Variants in NCAPG2 observed in about 807,000 individuals in gnomAD.
NCAPG2 encodes the protein non-SMC condensin II complex subunit G2.
NCAPG2 carries 53 observed loss-of-function variants against 141.1 expected under a neutral mutation model. That is an observed-to-expected ratio of 0.38 (90% confidence interval 0.30 to 0.47). The LOEUF (loss-of-function observed/expected upper bound fraction) is 0.47, where lower values mean the gene tolerates loss of function less well. Among genes scored for constraint, NCAPG2 ranks in the 20% least tolerant of loss-of-function variants. The pLI, the probability that NCAPG2 is intolerant of heterozygous loss-of-function variation, is 0.99. For missense variants in NCAPG2, 1,087 were observed against 1,389.0 expected, an observed-to-expected ratio of 0.78 and a Z score of 3.46; for synonymous variants, 499 against 490.7, an observed-to-expected ratio of 1.02 and a Z score of -0.22.
chr7:158,672,278 A>G (rs975056708), intron 12 of NCAPG2, among the ~76,000 whole-genome samples: 1 of 22,864 alleles, frequency 4.4e-5, no homozygotes, highest in Non-Finnish European at 7.2e-5. Flanking sequence ...TTCCAAACAC[A>G]TGTGTGTGTG....
intron 8 of NCAPG2, 37 bp from the exon 9 acceptor site, chr7:158,683,423 T>C (rs753424211): frequency 2.7e-6 from 4 of 1,504,154 alleles, no homozygotes; most frequent in East Asian, 2.4e-5. Flanking sequence ...ACTTGGTGTG[T>C]GTGTGTCCTA....
At chr7:158,666,994 T>A (rs1833011807) in intron 13 of NCAPG2, 2 of 350,914 alleles carry the variant, frequency 5.7e-6, no homozygotes, top group Non-Finnish European at 8.0e-6. Flanking sequence ...TGGCTTCATG[T>A]GCCAGGTTGT....
intron 3 of NCAPG2, 26 bp from the exon 4 acceptor site, chr7:158,692,982 G>A: frequency 1.4e-6 from 2 of 1,392,640 alleles, no homozygotes; most frequent in Non-Finnish European, 1.0e-6. Context: ...CAAAGCATGA[G>A]TGAATTAAAA....
chr7:158,633,200 T>A lies in NCAPG2; in HGVS notation c.3381-1483A>T, dbSNP rs529139136. Among the ~76,000 whole-genome samples the A allele has an allele frequency of 6.6e-6, 1 of 152,320 alleles. No homozygotes were observed. Among genetic ancestry groups the A allele is most frequent in the East Asian group, 1.9e-4 (1 of 5,180 alleles). On this transcript the variant is annotated intron_variant, in intron 27 of 27. Coordinates refer to ENST00000356309, the MANE Select transcript of NCAPG2 (RefSeq NM_017760.7). This position sits in a 1 kb window ranked among gnomAD's most constrained non-coding sequence, Gnocchi z 4.1. The stretch of plus-strand genomic sequence containing the variant: ...TTGCTGTTAGGTCTCTCGGGCCTTT[T>A]CCCCCAAGTCTATCCCCACCCTCGT...
Position 158,687,462 on chromosome 7 carries a change from GA to G in NCAPG2, c.673-21del. 6.5e-7 allele frequency: 1 copy of G among 1,539,988 alleles called. No homozygotes were observed. The highest frequency in any genetic ancestry group is 8.9e-7 in the Non-Finnish European group (1 of 1,127,438). On this transcript the variant is annotated intron_variant, in intron 6 of 27. Coordinates refer to ENST00000356309, the MANE Select transcript of NCAPG2 (RefSeq NM_017760.7). ...TCTTCCCTAGAAATAAAAAAGGATA[GA>G]ATGTTTACATTGCAACCAAATAAAA... is the stretch of plus-strand genomic sequence containing the variant.
intron 12 of NCAPG2, among the ~76,000 whole-genome samples, chr7:158,675,113 G>A (rs1397731295): frequency 6.6e-6 from 1 of 152,210 alleles, no homozygotes; most frequent in Non-Finnish European, 1.5e-5. Context: ...TACAATTGGT[G>A]TTGGTGATAG....
chr7:158,684,632 G>A (rs185589867), intron 8 of NCAPG2, among the ~76,000 whole-genome samples: 1 of 152,372 alleles, frequency 6.6e-6, no homozygotes, highest in Admixed American at 6.5e-5. Context: ...AACTTAAAGA[G>A]AGGGAGGGCA....
At chr7:158,647,633 CTG>C (rs1452159179) in intron 24 of NCAPG2, among the ~76,000 whole-genome samples, 1 of 152,096 alleles carries the variant, frequency 6.6e-6, no homozygotes, top group Non-Finnish European at 1.5e-5. Flanking sequence ...CTCTCCACCA[CTG>C]TGTTAGGCCC....
chr7:158,657,775 G>A (rs1428546537), intron 17 of NCAPG2, among the ~76,000 whole-genome samples: 1 of 152,170 alleles, frequency 6.6e-6, no homozygotes, highest in Admixed American at 6.5e-5. Context: ...GAAAGAAGTA[G>A]ACATGGGAGA....
rs765968854 is a variant in NCAPG2, at chr7:158,693,477, G to A, written c.99C>T (p.Phe33=). 4.6e-5 allele frequency: 74 copies of A among 1,613,296 alleles called. No individual in the cohort carries two copies. Among genetic ancestry groups the A allele is most frequent in the Non-Finnish European group, 2.9e-5 (34 of 1,179,592 alleles). The part of the protein sequence containing the change: ...VQLDKEASDP[F]SLNELLDELS... ...ATTCATCTAGTAATTCATTTAGGCT[G>A]AAAGGATCAGAGGCCTCTTTCTGTA... Residue 33 remains phenylalanine (F), a synonymous_variant, in exon 3 of 28, where the codon TTC becomes TTT. Coordinates refer to ENST00000356309, the MANE Select transcript of NCAPG2 (RefSeq NM_017760.7).
chr7:158,659,318 AG>A (rs1303562727), intron 16 of NCAPG2, among the ~76,000 whole-genome samples: 2 of 144,682 alleles, frequency 1.4e-5, no homozygotes, highest in Non-Finnish European at 3.0e-5. Flanking sequence ...GACAAGAGCA[AG>A]ACTCCATCTC....
At chr7:158,701,709 G>T (rs922090447) in intron 2 of NCAPG2, 113 bp downstream of exon 2, 2 of 924,188 alleles carry the variant, frequency 2.2e-6, no homozygotes, top group East Asian at 5.4e-5. Flanking sequence ...AATAAACATT[G>T]GTCGCTAAGG....
chr7:158,686,914 CA>C (rs1265231216), intron 7 of NCAPG2, among the ~76,000 whole-genome samples: 1 of 152,154 alleles, frequency 6.6e-6, no homozygotes, highest in Non-Finnish European at 1.5e-5. Context: ...TGGCAAACGA[CA>C]AGCACACACT....
At chr7:158,670,103 T>A (rs944943174) in intron 13 of NCAPG2, among the ~76,000 whole-genome samples, 1 of 152,290 alleles carries the variant, frequency 6.6e-6, no homozygotes, top group East Asian at 1.9e-4. Flanking sequence ...ACCACACACA[T>A]GGTCAATGAT....
At chr7:158,692,497 C>T (rs1271700889) in intron 4 of NCAPG2, among the ~76,000 whole-genome samples, 1 of 152,126 alleles carries the variant, frequency 6.6e-6, no homozygotes, top group Non-Finnish European at 1.5e-5. Context: ...AGGCCAGCCA[C>T]GTGGGAGGCT....
intron 11 of NCAPG2, 104 bp downstream of exon 11, chr7:158,679,856 A>G: frequency 7.1e-7 from 1 of 1,412,500 alleles, no homozygotes; most frequent in Non-Finnish European, 9.6e-7. Flanking sequence ...GTGGGAGCAG[A>G]GCTCTGGCGG....
In NCAPG2 at chr7:158,687,342, A is replaced by T. The variant is rs368583928; in HGVS notation, c.767+6T>A. 6.3e-6 allele frequency: 10 copies of T among 1,592,670 alleles called. No individual in the cohort carries two copies. In the African/African-American group the frequency reaches 1.3e-4, roughly 21 times the overall value. The stretch of plus-strand genomic sequence containing the variant: ...GCACAAAATCTTCAGTACTTTTAAC[A>T]CTTACTTTTGTAATCCCTGTAACTG... On this transcript the variant is annotated splice_donor_region_variant and intron_variant, in intron 7 of 27. Coordinates refer to ENST00000356309, the MANE Select transcript of NCAPG2 (RefSeq NM_017760.7).
intron 14 of NCAPG2, 21 bp from the exon 15 acceptor site, chr7:158,664,317 A>G: frequency 1.9e-6 from 3 of 1,583,684 alleles, no homozygotes; most frequent in Non-Finnish European, 2.6e-6. Flanking sequence ...TAGGATAAAC[A>G]AGAATTAATG....
intron 22 of NCAPG2, among the ~76,000 whole-genome samples, chr7:158,652,765 G>A (rs1372423420): frequency 6.6e-6 from 1 of 152,216 alleles, no homozygotes; most frequent in Non-Finnish European, 1.5e-5. Flanking sequence ...CATTGCACAT[G>A]TGAACATACA....
Sources: allele counts gnomAD v4.1 joint callset (sites outside exome capture counted in the v4.1 genomes callset), GRCh38; gene constraint gnomAD v4.1.1; non-coding constraint Gnocchi (gnomAD v3.1); transcripts MANE v1.5; gene names NCBI Gene and HGNC (gene_info 2026-07-23, HGNC 2026-07-21).